UNC13A: variants seen among roughly 807,000 people sequenced by gnomAD.
The protein encoded by UNC13A is protein unc-13 homolog A.
In UNC13A, 61 loss-of-function variants were observed where a neutral mutation model predicts 219.7. The ratio of observed to expected loss-of-function variants is 0.28; its 90% CI spans 0.23 to 0.34. UNC13A has a LOEUF of 0.34. UNC13A is among the 10% of genes least tolerant of loss of function. The pLI, the probability that UNC13A is intolerant of heterozygous loss-of-function variation, is 1.00. For missense variants in UNC13A, 1,476 were observed against 2,270.3 expected (o/e 0.65, Z 7.11); for synonymous variants, 920 against 884.6 (o/e 1.04, Z -0.71).
chr19:17,671,140 G>A (rs2079780578), intron 4 of UNC13A, among the ~76,000 whole-genome samples: 7 of 152,034 alleles, frequency 4.6e-5, no homozygotes, highest in Admixed American at 4.6e-4. Context: ...TCATAGCCCA[G>A]AGGGAGGAAG....
chr19:17,688,102 G>C (rs1347982684), intron 1 of UNC13A, 76 bp downstream of exon 1: 15 of 1,492,412 alleles, frequency 1.0e-5, no homozygotes, highest in Admixed American at 2.3e-5. Context: ...GGAACCCCCT[G>C]GGAGCCGCAT....
chr19:17,660,068 T>G (rs55740924), intron 8 of UNC13A, among the ~76,000 whole-genome samples: 4,194 of 152,108 alleles, frequency 0.028, 199 homozygotes, highest in African/African-American at 0.095. Context: ...GCTAATTTTA[T>G]TTATTTATTA....
rs4239634 is a variant in UNC13A at position 17,636,138 on chromosome 19, A to G, written c.3101T>C (p.Leu1034Pro). The G allele has an allele frequency of 1, 1,601,096 of 1,601,236 alleles. 800,478 individuals carry two copies. Among genetic ancestry groups the G allele is most frequent in the Middle Eastern group, 1 (6,040 of 6,040 alleles). Residue 1034 changes from leucine (L) to proline (P), a missense_variant, in exon 26 of 44, where the codon CTC becomes CCC. Leu to Pro is a moderately conservative substitution (Grantham distance 98, BLOSUM62 -3). Around this residue, in one of 14 missense-constraint regions of UNC13A, gnomAD observed 24 missense variants for 16.0 expected, o/e 1.50. Transcript: ENST00000519716. Reference sequence around the variant, plus strand: ...GATGCTGGGCCCCTGTTCCTCTGGGAGAACTTCCCCCTTCTTGGCCTGAAA... The same window carrying G: ...GATGCTGGGCCCCTGTTCCTCTGGGGGAACTTCCCCCTTCTTGGCCTGAAA... ...QTDPAKKGEV[L>P]PEEQGPSIKN...
intron 4 of UNC13A, among the ~76,000 whole-genome samples, chr19:17,671,840 G>A (rs1213508674): frequency 6.6e-6 from 1 of 152,074 alleles, no homozygotes; most frequent in Non-Finnish European, 1.5e-5. Flanking sequence ...ACAGGCTGAG[G>A]GGCCAGGGTT....
In UNC13A at chr19:17,674,959, G is replaced by C. The variant is rs943592261; in HGVS notation, c.53-203C>G. ...TTGGGATACTTCATCCAGCTGCTTCGAAATGACCATGCCATTGGTTTTCAG... is the reference window on the plus strand; with the variant it reads ...TTGGGATACTTCATCCAGCTGCTTCCAAATGACCATGCCATTGGTTTTCAG... On this transcript the variant is annotated intron_variant, in intron 2 of 43. Transcript: ENST00000519716. The surrounding 1 kb of genome is among the most constrained non-coding windows in gnomAD (Gnocchi z 5.0). 6.6e-6 allele frequency among the ~76,000 whole-genome samples: 1 copy of C among 152,116 alleles called. No homozygotes were observed. Among genetic ancestry groups the C allele is most frequent in the Non-Finnish European group, 1.5e-5 (1 of 68,028 alleles).
chr19:17,624,370 C>T (rs982689331), intron 35 of UNC13A, among the ~76,000 whole-genome samples: 1 of 152,030 alleles, frequency 6.6e-6, no homozygotes, highest in Non-Finnish European at 1.5e-5. Flanking sequence ...CTGCCCGCCT[C>T]GAGCCTCCCA....
rs1429341017 is a variant in UNC13A, at chr19:17,621,816, A to C, written c.4242+16T>G. The C allele has an allele frequency of 5.0e-6, 8 of 1,613,000 alleles. No homozygotes were observed. Among genetic ancestry groups the C allele is most frequent in the Admixed American group, 1.7e-5 (1 of 60,020 alleles). ...CACTGGAGCTCAGGGCCTCAGTGAG[A>C]CGAGGCCCTCATTACCTTTTCTAAT... is the stretch of plus-strand genomic sequence containing the variant. On this transcript the variant is annotated intron_variant, in intron 37 of 43. Transcript: ENST00000519716.
chr19:17,619,042 T>C, intron 38 of UNC13A, 80 bp from the exon 39 acceptor site: 1 of 1,394,330 alleles, frequency 7.2e-7, no homozygotes, highest in East Asian at 2.3e-5. Context: ...TCTTGGTTCT[T>C]GCCCAAAGGC....
intron 43 of UNC13A, among the ~76,000 whole-genome samples, chr19:17,608,977 G>A (rs897300711): frequency 3.3e-5 from 4 of 121,376 alleles, no homozygotes; most frequent in African/African-American, 1.3e-4. Context: ...TTTTTTTTGA[G>A]GTGGAGTTTC....
chr19:17,648,828 G>A, intron 15 of UNC13A, 84 bp downstream of exon 15: 1 of 1,519,434 alleles, frequency 6.6e-7, no homozygotes, highest in Non-Finnish European at 8.9e-7. Flanking sequence ...TCCTCTTCCC[G>A]GGGACCCACA....
At chr19:17,607,460 CG>C (rs113739921) in intron 43 of UNC13A, among the ~76,000 whole-genome samples, 1,329 of 39,954 alleles carry the variant, frequency 0.033, 39 homozygotes, top group African/African-American at 0.11. Context: ...ATGGGGGTGG[CG>C]GGGGGGGGGG....
At chr19:17,606,852 G>A (rs1397885497) in intron 43 of UNC13A, among the ~76,000 whole-genome samples, 1 of 125,664 alleles carries the variant, frequency 8.0e-6, no homozygotes, top group Non-Finnish European at 1.6e-5. Context: ...CTCCAGACAT[G>A]AGCCTGCCCT....
At chr19:17,621,402 C>T (rs2076728438) in intron 37 of UNC13A, among the ~76,000 whole-genome samples, 1 of 152,156 alleles carries the variant, frequency 6.6e-6, no homozygotes, top group African/African-American at 2.4e-5. Context: ...AGCAAGACAG[C>T]TGCTTGCGTG....
chr19:17,675,033 A>G (rs2079869973), intron 2 of UNC13A, among the ~76,000 whole-genome samples: 1 of 152,216 alleles, frequency 6.6e-6, no homozygotes, highest in Non-Finnish European at 1.5e-5. Context: ...GACTGTAAGA[A>G]ACCCCCTTTG....
intron 34 of UNC13A, 165 bp downstream of exon 34, chr19:17,626,468 C>T (rs2076784993): frequency 3.0e-6 from 2 of 665,592 alleles, no homozygotes; most frequent in African/African-American, 1.8e-5. Flanking sequence ...ATTATTTACC[C>T]ACCCAACTTT....
chr19:17,646,632 C>G (rs904007883), intron 17 of UNC13A, among the ~76,000 whole-genome samples: 5 of 152,130 alleles, frequency 3.3e-5, no homozygotes, highest in African/African-American at 9.7e-5. Context: ...CAGACACTTA[C>G]AAGAACCCAT....
At chr19:17,666,135 TCTTTC>T (rs2079640408) in intron 7 of UNC13A, among the ~76,000 whole-genome samples, 2 of 132,466 alleles carry the variant, frequency 1.5e-5, no homozygotes, top group Admixed American at 7.5e-5. Flanking sequence ...TCTTTCTTTT[TCTTTC>T]TTTCTTTCCT....
Position 17,611,779 on chromosome 19 carries a change from G to A in UNC13A, c.4635C>T (p.His1545=), listed in dbSNP as rs752456066. 4 of 1,614,128 alleles carry A rather than the reference G, an allele frequency of 2.5e-6. No individual in the cohort carries two copies. The highest frequency in any genetic ancestry group is 2.2e-5 in the East Asian group (1 of 44,886). Residue 1545 remains histidine (H), a synonymous_variant, in exon 42 of 44, where the codon CAC becomes CAT. Transcript: ENST00000519716. ...ACCACTCACCTTTCACTGTGACCTTGTGTTCCCCAGTTCCTGGATGAGTGA... is the reference window on the plus strand; with the variant it reads ...ACCACTCACCTTTCACTGTGACCTTATGTTCCCCAGTTCCTGGATGAGTGA... ...ELFTHPGTGE[H]KVTVKVVAAN...
Position 17,606,010 on chromosome 19 carries a change from GC to G in UNC13A, c.*43del, listed in dbSNP as rs2076521418. On this transcript the variant is annotated 3_prime_UTR_variant, in exon 44 of 44. Coordinates refer to ENST00000519716, the MANE Select transcript of UNC13A (RefSeq NM_001080421.3). Reference sequence around the variant, plus strand: ...CGCAAGCCCCGTCCCTCCCCGCCCAGCGCCCTCCGCGCAGGCGCAGTGCCGC... The same window carrying G: ...CGCAAGCCCCGTCCCTCCCCGCCCAGGCCCTCCGCGCAGGCGCAGTGCCGC... 2.2e-6 allele frequency: 3 copies of G among 1,393,216 alleles called. No individual in the cohort carries two copies. The Admixed American group carries it at 1.2e-4, about 54-fold the overall frequency. 86.3% of individuals were successfully genotyped at this position (1,393,216 alleles called of 1,614,324 possible). A position where few individuals can be genotyped will look rare whatever the true frequency, so the allele number is the denominator to read the frequency against.
Sources: allele counts gnomAD v4.1 joint callset (sites outside exome capture counted in the v4.1 genomes callset), GRCh38; gene constraint gnomAD v4.1.1; regional missense constraint gnomAD v4.1.1; non-coding constraint Gnocchi (gnomAD v3.1); transcripts MANE v1.5; gene names NCBI Gene and HGNC (gene_info 2026-07-23, HGNC 2026-07-21).